The following BPIFA3 variants were observed in gnomAD, a reference collection of about 807,000 sequenced individuals.
The protein encoded by BPIFA3 is BPI fold containing family A member 3.
In BPIFA3, 32 loss-of-function variants were observed where a neutral mutation model predicts 29.7. The ratio of observed to expected loss-of-function variants is 1.08; its 90% CI spans 0.81 to 1.45. The LOEUF (loss-of-function observed/expected upper bound fraction) is 1.45, where lower values mean the gene tolerates loss of function less well. Ranked by LOEUF, BPIFA3 falls within the 40% of genes most tolerant of loss-of-function variation. The pLI, the probability that BPIFA3 is intolerant of heterozygous loss-of-function variation, is 0.00. For missense variants in BPIFA3, 323 were observed against 311.3 expected, an observed-to-expected ratio of 1.04 and a Z score of -0.28; for synonymous variants, 112 against 113.7, an observed-to-expected ratio of 0.98 and a Z score of 0.10.
chr20:33,220,651 GT>G (rs1279485158), intron 1 of BPIFA3, among the ~76,000 whole-genome samples: 2 of 152,118 alleles, frequency 1.3e-5, no homozygotes, highest in Non-Finnish European at 2.9e-5. Flanking sequence ...ATATTTTCTA[GT>G]TGGAATTGCA....
intron 4 of BPIFA3, chr20:33,225,549 A>C: frequency 9.2e-6 from 3 of 327,672 alleles, no homozygotes; most frequent in Admixed American, 4.3e-5. Flanking sequence ...ACTACAGGAA[A>C]CTCACCTGGC....
At chr20:33,218,000 T>C (rs1338927521) in intron 1 of BPIFA3, among the ~76,000 whole-genome samples, 2 of 152,072 alleles carry the variant, frequency 1.3e-5, no homozygotes, top group South Asian at 2.1e-4. Flanking sequence ...TCCTTGTATG[T>C]ACAGTACTTT....
chr20:33,217,345 C>T (rs1454897887), upstream of BPIFA3: 6 of 601,930 alleles, frequency 1.0e-5, no homozygotes, highest in Non-Finnish European at 1.6e-5. Flanking sequence ...CCACATGTTG[C>T]TCTCCCAATG....
rs747189892 is a variant in BPIFA3, at chr20:33,225,198, G to C, written c.487G>C (p.Gly163Arg). The change falls in exon 4 of 7, where the codon GGC (glycine) becomes CGC (arginine). Residue 163 changes from glycine to arginine, a missense_variant. Transcript: ENST00000375454. ...GTTTGGCCGGAGGGATCTGGTGATA[G>C]GCAAATGCGATGCAGAGCCCAGCAG... The part of the protein sequence containing the change: ...DEFGRRDLVI[G>R]KCDAEPSSVH... 9.3e-6 allele frequency: 15 copies of C among 1,614,018 alleles called. No homozygotes were observed. Among genetic ancestry groups the C allele is most frequent in the African/African-American group, 1.3e-5 (1 of 74,910 alleles).
Position 33,222,489 on chromosome 20 carries a change from A to G in BPIFA3, c.128-1322A>G, listed in dbSNP as rs114124806. ...ACCAGGAATTTAAGGGAGTACTTGAATAAAATCAGGGTTCAGATGAGGAAA... is the reference window on the plus strand; with the variant it reads ...ACCAGGAATTTAAGGGAGTACTTGAGTAAAATCAGGGTTCAGATGAGGAAA... On this transcript the variant is annotated intron_variant, in intron 1 of 6. Transcript: ENST00000375454. Among the ~76,000 whole-genome samples, 783 of 152,286 alleles carry G rather than the reference A, an allele frequency of 5.1e-3. 6 individuals are homozygous for G. Among genetic ancestry groups the G allele is most frequent in the Middle Eastern group, 0.034 (10 of 294 alleles).
chr20:33,226,961 A>G lies in BPIFA3; in HGVS notation c.653A>G (p.Gln218Arg), dbSNP rs768184513. 2 of 1,614,106 alleles carry G rather than the reference A, an allele frequency of 1.2e-6. No individual in the cohort carries two copies. The highest frequency in any genetic ancestry group is 1.7e-6 in the Non-Finnish European group (2 of 1,179,980). Reference protein sequence around the residue: ...VCPLIGEILGQLDVKLLKSLI... With the variant: ...VCPLIGEILGRLDVKLLKSLI... ...CCTCTGATCGGTGAAATCCTCGGGC[A>G]GCTGGATGTGAAACTGTTGAAAAGC... The change falls in exon 6 of 7, where the codon CAG becomes CGG. Residue 218 changes from glutamine to arginine, a missense_variant. Gln to Arg is a conservative substitution (Grantham distance 43, BLOSUM62 1). Coordinates refer to ENST00000375454, the MANE Select transcript of BPIFA3 (RefSeq NM_178466.5).
intron 1 of BPIFA3, among the ~76,000 whole-genome samples, chr20:33,222,995 CT>C (rs1187744485): frequency 1.3e-5 from 2 of 152,148 alleles, no homozygotes; most frequent in Non-Finnish European, 2.9e-5. Context: ...CTGTGAGGTA[CT>C]GCCCCTGTTA....
At chr20:33,226,770 A>G in intron 5 of BPIFA3, 160 bp from the exon 6 acceptor site, 1 of 735,704 alleles carries the variant, frequency 1.4e-6, no homozygotes, top group South Asian at 1.7e-5. Context: ...AGTGTTGTGC[A>G]TGACACTGAG....
intron 4 of BPIFA3, 158 bp downstream of exon 4, chr20:33,225,405 T>TG: frequency 9.8e-7 from 1 of 1,015,676 alleles, no homozygotes; most frequent in Non-Finnish European, 1.4e-6. Flanking sequence ...GTGATGACCC[T>TG]ACCACCCTCC....
Position 33,227,677 on chromosome 20 carries a change from G to A in BPIFA3, c.*60G>A. 1 of 1,440,210 alleles carries A rather than the reference G, an allele frequency of 6.9e-7. No individual in the cohort carries two copies. The highest frequency in any genetic ancestry group is 9.8e-7 in the Non-Finnish European group (1 of 1,024,536). 89.2% of individuals were successfully genotyped at this position (1,440,210 alleles called of 1,614,324 possible). A position where few individuals can be genotyped will look rare whatever the true frequency, so the allele number is the denominator to read the frequency against. ...AACCTTAAGTCTCCCTTAGAGTGGG[G>A]CTTCTGCTACCCTAAAAACTTTACC... On this transcript the variant is annotated 3_prime_UTR_variant, in exon 7 of 7. Transcript: ENST00000375454.
chr20:33,217,699 G>A, intron 1 of BPIFA3, 36 bp downstream of exon 1: 1 of 1,587,304 alleles, frequency 6.3e-7, no homozygotes, highest in Non-Finnish European at 8.6e-7. Context: ...GCTGCCTACG[G>A]GGCTGGGGAG....
rs1487770454 is a variant in BPIFA3 at position 33,227,546 on chromosome 20, G to A, written c.694G>A (p.Ala232Thr). ...KLLKSLIEQE[A>T]AHEPTHHETS... The stretch of plus-strand genomic sequence containing the variant: ...ACCTCTTCTCCTTACAGAACAGGAG[G>A]CTGCTCATGAACCAACCCACCATGA... The change falls in exon 7 of 7, where the codon GCT (alanine) becomes ACT (threonine). Residue 232 changes from alanine (A) to threonine (T), a missense_variant. Transcript: ENST00000375454. The A allele has an allele frequency of 1.9e-6, 3 of 1,613,802 alleles. No homozygotes were observed. The African/African-American group carries it at 4.0e-5, about 22-fold the overall frequency.
At chr20:33,217,815 T>C (rs1985336283) in intron 1 of BPIFA3, 152 bp downstream of exon 1, 2 of 1,025,388 alleles carry the variant, frequency 2.0e-6, no homozygotes, top group African/African-American at 1.6e-5. Context: ...AAAATTGAGG[T>C]TGTGTTGATC....
At chr20:33,226,754 C>T (rs1403103286) in intron 5 of BPIFA3, 176 bp from the exon 6 acceptor site, 5 of 680,158 alleles carry the variant, frequency 7.4e-6, no homozygotes, top group African/African-American at 3.6e-5. Context: ...GGAGACAAAG[C>T]GTCGAAGTGT....
At position 33,224,305 on chromosome 20, in the gene BPIFA3, T is replaced by C; in HGVS notation, c.279-50T>C. 7 of 1,461,920 alleles carry C rather than the reference T, an allele frequency of 4.8e-6. No homozygotes were observed. The South Asian group carries it at 5.8e-5, about 12-fold the overall frequency. The allele number at this position is 1,461,920 out of a possible 1,614,324, so 90.6% of individuals were successfully genotyped here. ...TTGTTTCTCAGCAGGAAGCCTTACC[T>C]GTTCTGAAGTCCCTCACCCTTGTGG... On this transcript the variant is annotated intron_variant, in intron 2 of 6. Transcript: ENST00000375454.
At position 33,226,435 on chromosome 20, in the gene BPIFA3, T is replaced by C. The variant is rs757514986; in HGVS notation, c.566T>C (p.Leu189Pro). 11 of 1,612,982 alleles carry C rather than the reference T, an allele frequency of 6.8e-6. No homozygotes were observed. The Admixed American group carries it at 8.4e-5, about 12-fold the overall frequency. Residue 189 changes from leucine (L) to proline (P), a missense_variant, in exon 5 of 7, where the codon CTC (leucine) becomes CCC (proline). Physicochemically the swap from Leu to Pro is moderately conservative, Grantham distance 98. Transcript: ENST00000375454. ...ATCCCACCAAAGATGAATCAGTTTC[T>C]CTACAACCTCAAAGAGAATCTGCAA... ...EAIPPKMNQFLYNLKENLQKV... is the reference protein window; with the variant it reads ...EAIPPKMNQFPYNLKENLQKV...
intron 1 of BPIFA3, among the ~76,000 whole-genome samples, chr20:33,222,499 G>A (rs1303517750): frequency 6.6e-6 from 1 of 152,092 alleles, no homozygotes; most frequent in Non-Finnish European, 1.5e-5. Context: ...ATAAAATCAG[G>A]GTTCAGATGA....
Position 33,224,434 on chromosome 20 carries a change from T to G in BPIFA3, c.358T>G (p.Ser120Ala), listed in dbSNP as rs1985679350. The G allele has an allele frequency of 1.2e-6, 2 of 1,613,766 alleles. No homozygotes were observed. The highest frequency in any genetic ancestry group is 1.7e-6 in the Non-Finnish European group (2 of 1,179,768). Reference protein sequence around the residue: ...FHKEWFSANISLEFDLELRPS... With the variant: ...FHKEWFSANIALEFDLELRPS... ...TAAGGAGTGGTTCTCGGCAAATATC[T>G]CACTTGAATTTGACCTTGAATTGAG... Residue 120 changes from serine (S) to alanine (A), a missense_variant, in exon 3 of 7, where the codon TCA becomes GCA. Coordinates refer to ENST00000375454, the MANE Select transcript of BPIFA3 (RefSeq NM_178466.5).
At chr20:33,221,151 T>G (rs1268906847) in intron 1 of BPIFA3, among the ~76,000 whole-genome samples, 1 of 110,672 alleles carries the variant, frequency 9.0e-6, no homozygotes, top group Non-Finnish European at 1.5e-5. Flanking sequence ...ACTGTTAGAT[T>G]TTTTTTTTTT....
Sources: allele counts gnomAD v4.1 joint callset (sites outside exome capture counted in the v4.1 genomes callset), GRCh38; gene constraint gnomAD v4.1.1; transcripts MANE v1.5; gene names NCBI Gene and HGNC (gene_info 2026-07-23, HGNC 2026-07-21).